The following PHOSPHO2 variants were observed in gnomAD, a reference collection of about 807,000 sequenced individuals.
PHOSPHO2 encodes phosphatase, orphan 2.
In PHOSPHO2, 14 loss-of-function variants were observed where a neutral mutation model predicts 16.4. The ratio of observed to expected loss-of-function variants is 0.85; its 90% CI spans 0.56 to 1.33. The LOEUF is 1.33. Among genes scored for constraint, PHOSPHO2 ranks in the 40% most tolerant of loss-of-function variants. The pLI is 0.00. For synonymous variants in PHOSPHO2, 85 were observed against 90.5 expected, an observed-to-expected ratio of 0.94 and a Z score of 0.34; for missense variants, 246 against 282.5, an observed-to-expected ratio of 0.87 and a Z score of 0.93.
chr2:169,695,648 A>G (rs1324926972), intron 2 of PHOSPHO2, among the ~76,000 whole-genome samples: 1 of 152,092 alleles, frequency 6.6e-6, no homozygotes, highest in African/African-American at 2.4e-5. Flanking sequence ...AAAAAAAAAA[A>G]AAGTTTCAAG....
Position 169,697,156 on chromosome 2 carries a change from C to T in PHOSPHO2, c.-197-205C>T, listed in dbSNP as rs181888409. 4.2e-3 allele frequency among the ~76,000 whole-genome samples: 646 copies of T among 152,136 alleles called. 2 individuals are homozygous for T. The highest frequency in any genetic ancestry group is 0.014 in the African/African-American group (585 of 41,478). ...TCAGTCTCCCAAGTAGCTAGGACTACAGGTGCCCGCCACCACGCCCAGCTA... is the reference window on the plus strand; with the variant it reads ...TCAGTCTCCCAAGTAGCTAGGACTATAGGTGCCCGCCACCACGCCCAGCTA... On this transcript the variant is annotated intron_variant, in intron 2 of 3. Transcript: ENST00000359744.
intron 3 of PHOSPHO2, among the ~76,000 whole-genome samples, chr2:169,698,534 A>C (rs1687632071): frequency 6.6e-6 from 1 of 152,198 alleles, no homozygotes; most frequent in African/African-American, 2.4e-5. Flanking sequence ...AAATGGTATG[A>C]TATTGCAAAG....
At chr2:169,698,598 G>A (rs1026221237) in intron 3 of PHOSPHO2, among the ~76,000 whole-genome samples, 20 of 152,066 alleles carry the variant, frequency 1.3e-4, no homozygotes, top group Non-Finnish European at 1.3e-4. Flanking sequence ...ATTATTATCT[G>A]TTTACACACA....
At chr2:169,694,780 C>G in intron 1 of PHOSPHO2, 158 bp downstream of exon 1, 1 of 243,906 alleles carries the variant, frequency 4.1e-6, no homozygotes, top group Non-Finnish European at 8.3e-6. Flanking sequence ...GTGTGTGCGT[C>G]CGCAGATCTC....
At chr2:169,698,885 T>C (rs553202082) in intron 3 of PHOSPHO2, among the ~76,000 whole-genome samples, 1 of 152,334 alleles carries the variant, frequency 6.6e-6, no homozygotes, top group Admixed American at 6.5e-5. Flanking sequence ...TACTTCTAGT[T>C]TGGAAGAATT....
At chr2:169,696,425 C>T (rs1227041793) in intron 2 of PHOSPHO2, among the ~76,000 whole-genome samples, 1 of 152,232 alleles carries the variant, frequency 6.6e-6, no homozygotes, top group Admixed American at 6.5e-5. Context: ...ATACTGTACA[C>T]ACTATTTTGT....
At chr2:169,697,622 A>G (rs1687593782) in intron 3 of PHOSPHO2, 91 bp downstream of exon 3, 1 of 152,228 alleles carries the variant, frequency 6.6e-6, no homozygotes, top group South Asian at 2.1e-4. Context: ...TCAGATCAGC[A>G]GGGGAACTAT....
rs1687428930 is a variant in PHOSPHO2 at position 169,694,503 on chromosome 2, T to C, written c.-350T>C. ...GGTCGGGCTAGAGAAGAGAGGCGCC[T>C]GCGCTTGCGAGCTGGGCTTGTGAGT... On this transcript the variant is annotated 5_prime_UTR_variant, in exon 1 of 4. Coordinates refer to ENST00000359744, the MANE Select transcript of PHOSPHO2 (RefSeq NM_001008489.4). The C allele has an allele frequency of 1.5e-6, 1 of 668,706 alleles. No homozygotes were observed. The highest frequency in any genetic ancestry group is 1.8e-5 in the African/African-American group (1 of 56,140). 41.4% of individuals were successfully genotyped at this position (668,706 alleles called of 1,614,324 possible).
intron 3 of PHOSPHO2, among the ~76,000 whole-genome samples, chr2:169,698,995 T>C (rs1299578320): frequency 6.6e-6 from 1 of 152,260 alleles, no homozygotes; most frequent in Non-Finnish European, 1.5e-5. Flanking sequence ...GATTTTAAGC[T>C]AAATACTTTT....
At chr2:169,694,804 T>G (rs1406981788) in intron 1 of PHOSPHO2, 182 bp downstream of exon 1, 1 of 223,630 alleles carries the variant, frequency 4.5e-6, no homozygotes, top group Non-Finnish European at 9.2e-6. Context: ...GCGGGTGGAG[T>G]GTGAGGAGCA....
chr2:169,700,230 A>G (rs2105599960), intron 3 of PHOSPHO2, among the ~76,000 whole-genome samples: 1 of 152,146 alleles, frequency 6.6e-6, no homozygotes, highest in South Asian at 2.1e-4. Flanking sequence ...CTGTTGTTGC[A>G]TTTGCTTTTG....
At chr2:169,694,868 T>G (rs1438674739) in intron 1 of PHOSPHO2, 1 of 180,354 alleles carries the variant, frequency 5.5e-6, no homozygotes. Flanking sequence ...AACGCTGTTT[T>G]TTTAATCCTT....
chr2:169,694,601 C>T lies in PHOSPHO2; in HGVS notation c.-252C>T, dbSNP rs1301306436. The T allele has an allele frequency of 1.8e-5, 10 of 542,132 alleles. No individual in the cohort carries two copies. The highest frequency in any genetic ancestry group is 9.5e-5 in the African/African-American group (5 of 52,616). 33.6% of individuals were successfully genotyped at this position (542,132 alleles called of 1,614,324 possible). Reference sequence around the variant, plus strand: ...CGCAGGAGCGTCACGGGCGCCGGGGCGGCTGCCGACGGCGGGACTGGGTCA... The same window carrying T: ...CGCAGGAGCGTCACGGGCGCCGGGGTGGCTGCCGACGGCGGGACTGGGTCA... On this transcript the variant is annotated 5_prime_UTR_variant, in exon 1 of 4. Coordinates refer to ENST00000359744, the MANE Select transcript of PHOSPHO2 (RefSeq NM_001008489.4).
chr2:169,701,645 G>A lies in PHOSPHO2; in HGVS notation c.674G>A (p.Trp225Ter). 6.3e-7 allele frequency: 1 copy of A among 1,585,418 alleles called. No individual in the cohort carries two copies. The highest frequency in any genetic ancestry group is 8.5e-7 in the Non-Finnish European group (1 of 1,171,766). The change falls in exon 4 of 4, where the codon TGG becomes TAG. Residue 225 changes from tryptophan to a stop codon, truncating the protein, a stop_gained. Coordinates refer to ENST00000359744, the MANE Select transcript of PHOSPHO2 (RefSeq NM_001008489.4). LOFTEE classifies it high-confidence loss of function. The part of the protein sequence containing the change: ...LEPMEYSVVV[W>*]SSGVDIISHL... ...CCTATGGAATATTCTGTTGTAGTTT[G>A]GTCCTCAGGTGTTGATATAATTTCT...
Position 169,701,116 on chromosome 2 carries a change from G to T in PHOSPHO2, c.145G>T (p.Gly49Cys), listed in dbSNP as rs2105601984. The T allele has an allele frequency of 6.2e-7, 1 of 1,614,018 alleles. No homozygotes were observed. The highest frequency in any genetic ancestry group is 8.5e-7 in the Non-Finnish European group (1 of 1,179,990). Reference protein sequence around the residue: ...YRKGFWTEFMGRVFKYLGDKG... With the variant: ...YRKGFWTEFMCRVFKYLGDKG... ...AAAAGGATTTTGGACAGAATTTATG[G>T]GCAGAGTCTTTAAGTATTTGGGAGA... The change falls in exon 4 of 4, where the codon GGC becomes TGC. Residue 49 changes from glycine (G) to cysteine (C), a missense_variant. By Grantham distance (159) the Gly-to-Cys change is radical. Transcript: ENST00000359744.
At position 169,697,852 on chromosome 2, in the gene PHOSPHO2, A is replaced by C. The variant is rs1471752458; in HGVS notation, c.-27+321A>C. 3 of 152,186 alleles carry C rather than the reference A, an allele frequency of 2.0e-5. 1 individual carries two copies. Among genetic ancestry groups the C allele is most frequent in the South Asian group, 4.1e-4 (2 of 4,832 alleles). The allele number at this position is 152,186 out of a possible 1,614,324, so 9.4% of individuals were successfully genotyped here. ...TCAATTATGCCTTATTATTTATTAC[A>C]TTGTTTCTGTAGGAAAGTGAATTCT... On this transcript the variant is annotated intron_variant, in intron 3 of 3. Transcript: ENST00000359744.
intron 3 of PHOSPHO2, among the ~76,000 whole-genome samples, chr2:169,699,843 C>G (rs1304704035): frequency 6.6e-6 from 1 of 151,950 alleles, no homozygotes; most frequent in Admixed American, 6.6e-5. Context: ...CCAGAATTGT[C>G]TGTTTGTGTC....
chr2:169,698,591 A>G (rs1279473707), intron 3 of PHOSPHO2, among the ~76,000 whole-genome samples: 1 of 152,210 alleles, frequency 6.6e-6, no homozygotes, highest in East Asian at 1.9e-4. Context: ...AATTATTATT[A>G]TTATCTGTTT....
At chr2:169,694,915 A>C (rs1687457163) in intron 1 of PHOSPHO2, among the ~76,000 whole-genome samples, 1 of 152,226 alleles carries the variant, frequency 6.6e-6, no homozygotes, top group South Asian at 2.1e-4. Flanking sequence ...GATGGGGCCA[A>C]GTTTTTTAAA....
Sources: gnomAD v4.1 joint callset for allele counts (sites outside exome capture counted in the v4.1 genomes callset) on GRCh38, gnomAD v4.1.1 for gene constraint, MANE v1.5 for transcripts, NCBI Gene and HGNC (gene_info 2026-07-23, HGNC 2026-07-21) for gene names.